ZNF569: variants seen among roughly 807,000 people sequenced by gnomAD.
ZNF569 encodes the protein zinc finger protein 569.
Under a neutral mutation model 56.3 loss-of-function variants are expected in ZNF569, and 38 were observed. The ratio of observed to expected loss-of-function variants is 0.68; its 90% CI spans 0.52 to 0.88. The LOEUF is 0.88. Ranked by LOEUF, ZNF569 falls within the 40% of genes least tolerant of loss-of-function variation. The pLI, the probability that ZNF569 is intolerant of heterozygous loss-of-function variation, is 0.00. For synonymous variants in ZNF569, 241 were observed against 262.9 expected (o/e 0.92, Z 0.81); for missense variants, 666 against 809.2 (o/e 0.82, Z 2.15).
At chr19:37,429,306 C>T (rs560024325) in intron 3 of ZNF569, among the ~76,000 whole-genome samples, 3 of 152,204 alleles carry the variant, frequency 2.0e-5, no homozygotes, top group Admixed American at 6.5e-5. Flanking sequence ...TTACCAGAGT[C>T]GAGAGCAAAC....
At chr19:37,419,616 G>A (rs1326253595) in intron 5 of ZNF569, among the ~76,000 whole-genome samples, 2 of 151,934 alleles carry the variant, frequency 1.3e-5, no homozygotes, top group African/African-American at 4.8e-5. Flanking sequence ...CCCAGCTACT[G>A]GGAGGCTGAG....
upstream of ZNF569, chr19:37,469,167 G>A: frequency 1.7e-6 from 2 of 1,179,456 alleles, no homozygotes; most frequent in Non-Finnish European, 2.1e-6. Context: ...GGAAGGCCGG[G>A]GAGAGGCCAG....
chr19:37,461,695 AT>A (rs1214747424), intron 2 of ZNF569, among the ~76,000 whole-genome samples: 9 of 151,908 alleles, frequency 5.9e-5, no homozygotes, highest in Non-Finnish European at 1.0e-4. Flanking sequence ...GATTCTACTA[AT>A]TTTTTACTGT....
At chr19:37,416,983 T>C (rs1309639542) in intron 5 of ZNF569, among the ~76,000 whole-genome samples, 1 of 152,140 alleles carries the variant, frequency 6.6e-6, no homozygotes, top group African/African-American at 2.4e-5. Context: ...ATGAAATTAG[T>C]TAAGATGAGG....
At chr19:37,441,666 AAAG>A (rs1402379475) in intron 3 of ZNF569, among the ~76,000 whole-genome samples, 2 of 152,120 alleles carry the variant, frequency 1.3e-5, no homozygotes, top group South Asian at 2.1e-4. Flanking sequence ...AAAAAAAAAA[AAAG>A]AAGGCAAGAT....
upstream of ZNF569, among the ~76,000 whole-genome samples, chr19:37,468,435 C>T (rs1272234443): frequency 1.3e-5 from 2 of 151,658 alleles, no homozygotes; most frequent in Non-Finnish European, 2.9e-5. Context: ...CGGTGGCTCA[C>T]GCCTGTGATC....
chr19:37,457,893 T>C (rs1348906640), intron 2 of ZNF569, among the ~76,000 whole-genome samples: 1 of 152,226 alleles, frequency 6.6e-6, no homozygotes, highest in Non-Finnish European at 1.5e-5. Context: ...TATTCTTTTT[T>C]TTTGGAGACA....
At chr19:37,446,971 A>G (rs761253164) in intron 2 of ZNF569, among the ~76,000 whole-genome samples, 2 of 152,226 alleles carry the variant, frequency 1.3e-5, no homozygotes, top group Non-Finnish European at 2.9e-5. Flanking sequence ...TCGAAAGAAG[A>G]TATACAAATG....
chr19:37,443,852 C>CA (rs1201588423), intron 3 of ZNF569, among the ~76,000 whole-genome samples: 5,271 of 114,582 alleles, frequency 0.046, 121 homozygotes, highest in Middle Eastern at 0.07. Flanking sequence ...ACTAAAAATA[C>CA]AAAAAAAAAA....
At chr19:37,442,070 T>A (rs753469016) in intron 3 of ZNF569, among the ~76,000 whole-genome samples, 4 of 152,222 alleles carry the variant, frequency 2.6e-5, no homozygotes, top group South Asian at 2.1e-4. Context: ...TCACAGGGGA[T>A]AGCAGAGTGA....
intron 4 of ZNF569, 49 bp downstream of exon 4, chr19:37,426,203 A>T (rs772640874): frequency 6.4e-7 from 1 of 1,560,376 alleles, no homozygotes; most frequent in Non-Finnish European, 8.7e-7. Flanking sequence ...GGAGGAAAAA[A>T]AAGGTACTTT....
At chr19:37,438,642 G>GA (rs1316704583) in intron 3 of ZNF569, among the ~76,000 whole-genome samples, 1 of 152,162 alleles carries the variant, frequency 6.6e-6, no homozygotes, top group African/African-American at 2.4e-5. Context: ...CTCAAACTAT[G>GA]AAACGACTAA....
chr19:37,433,320 T>C (rs994019322), intron 3 of ZNF569, among the ~76,000 whole-genome samples: 1 of 151,712 alleles, frequency 6.6e-6, no homozygotes, highest in Non-Finnish European at 1.5e-5. Context: ...AAAAGAAAAA[T>C]GAGTAAGAAA....
chr19:37,433,815 G>C (rs1249072866), intron 3 of ZNF569, among the ~76,000 whole-genome samples: 1 of 152,146 alleles, frequency 6.6e-6, no homozygotes, highest in Admixed American at 6.5e-5. Flanking sequence ...ACAGCTGAGA[G>C]ATTTCATCAA....
chr19:37,467,396 G>C lies in ZNF569; in HGVS notation c.-517C>G, dbSNP rs775064989. 6 of 159,710 alleles carry C rather than the reference G, an allele frequency of 3.8e-5. No individual in the cohort carries two copies. Among genetic ancestry groups the C allele is most frequent in the Non-Finnish European group, 8.2e-5 (6 of 72,840 alleles). The allele number at this position is 159,710 out of a possible 1,614,324, so 9.9% of individuals were successfully genotyped here. A position where few individuals can be genotyped will look rare whatever the true frequency, so the allele number is the denominator to read the frequency against. ...CGCGAGCCCAGCTCTGAGAGATTGG[G>C]AGCGCAACTTGGTGCTGAGAAGAAT... On this transcript the variant is annotated 5_prime_UTR_variant, in exon 1 of 6. Transcript: ENST00000316950.
At chr19:37,465,718 T>C (rs923612532) in intron 1 of ZNF569, among the ~76,000 whole-genome samples, 1 of 152,182 alleles carries the variant, frequency 6.6e-6, no homozygotes, top group African/African-American at 2.4e-5. Flanking sequence ...TACAGAATAA[T>C]TGGATAGGTT....
chr19:37,425,119 A>G (rs1217014659), intron 5 of ZNF569, among the ~76,000 whole-genome samples: 1 of 151,772 alleles, frequency 6.6e-6, no homozygotes, highest in Admixed American at 6.6e-5. Flanking sequence ...TGTCACACAC[A>G]TACACACACA....
At position 37,412,899 on chromosome 19, in the gene ZNF569, A is replaced by G. The variant is rs1204852369; in HGVS notation, c.1759T>C (p.Phe587Leu). 5 of 1,614,062 alleles carry G rather than the reference A, an allele frequency of 3.1e-6. 1 individual carries two copies. In the South Asian group the frequency reaches 5.5e-5, roughly 18 times the overall value. Residue 587 changes from phenylalanine to leucine, a missense_variant, in exon 6 of 6, where the codon TTC becomes CTC. Coordinates refer to ENST00000316950, the MANE Select transcript of ZNF569 (RefSeq NM_152484.3). ...PYVCNECGKA[F>L]SQRTSLIVHM... is the part of the protein sequence containing the mutation. ...ACAATAAGGGAAGTTCTTTGAGAGA[A>G]GGCTTTCCCACATTCATTACATACA... is the stretch of plus-strand genomic sequence containing the variant.
chr19:37,436,547 G>GT (rs2041312449), intron 3 of ZNF569, among the ~76,000 whole-genome samples: 1 of 151,630 alleles, frequency 6.6e-6, no homozygotes, highest in Admixed American at 6.6e-5. Flanking sequence ...AAAAAAATCA[G>GT]TTTTTTAAAA....
Sources: gnomAD v4.1 joint callset for allele counts (sites outside exome capture counted in the v4.1 genomes callset) on GRCh38, gnomAD v4.1.1 for gene constraint, MANE v1.5 for transcripts, NCBI Gene and HGNC (gene_info 2026-07-23, HGNC 2026-07-21) for gene names.